DCX: variants seen among roughly 807,000 people sequenced by gnomAD.
DCX encodes doublecortin.
A neutral mutation model predicts 20.9 loss-of-function variants in DCX; 4 were observed. The ratio of observed to expected loss-of-function variants is 0.19; its 90% CI spans 0.09 to 0.44. DCX has a LOEUF of 0.44. Ranked by LOEUF, DCX falls within the 20% of genes least tolerant of loss-of-function variation. DCX has a pLI of 0.99. For synonymous variants in DCX, 103 were observed against 111.4 expected (o/e 0.92, Z 0.47); for missense variants, 133 against 296.9 (o/e 0.45, Z 4.06).
intron 6 of DCX, among the ~76,000 whole-genome samples, chrX:111,310,090 C>T (rs1023686280): frequency 8.9e-6 from 1 of 112,368 alleles, no homozygotes; most frequent in East Asian, 2.8e-4. Context: ...CCCAGCACTT[C>T]GGAAGGCCGA....
At chrX:111,388,842 TGATAA>T (rs1034619222) in intron 3 of DCX, among the ~76,000 whole-genome samples, 14 of 112,117 alleles carry the variant, frequency 1.2e-4, no homozygotes, top group African/African-American at 3.9e-4. Flanking sequence ...GGACTTTAAG[TGATAA>T]GATAAGACAA....
intron 6 of DCX, among the ~76,000 whole-genome samples, chrX:111,306,337 A>G (rs995642149): frequency 8.9e-6 from 1 of 112,188 alleles, no homozygotes; most frequent in Non-Finnish European, 1.9e-5. Context: ...ACTAGAGACA[A>G]AGAACATTTT....
Position 111,299,984 on chromosome X carries a change from C to G in DCX, c.*1703G>C, listed in dbSNP as rs1446231532. 2.7e-5 allele frequency: 3 copies of G among 110,338 alleles called. No homozygotes were observed. Among genetic ancestry groups the G allele is most frequent in the Admixed American group, 1.9e-4 (2 of 10,268 alleles). The allele number at this position is 110,338 out of a possible 1,213,427, so 9.1% of individuals were successfully genotyped here. The stretch of plus-strand genomic sequence containing the variant: ...GTATTTCCTAATTTTGAAGCAGCTG[C>G]AGATGCACACACACACACACACATG... On this transcript the variant is annotated 3_prime_UTR_variant, in exon 7 of 7. Coordinates refer to ENST00000636035, the MANE Select transcript of DCX (RefSeq NM_001195553.2).
At chrX:111,355,369 G>A (rs1923651007) in intron 3 of DCX, among the ~76,000 whole-genome samples, 2 of 110,994 alleles carry the variant, frequency 1.8e-5, no homozygotes, top group African/African-American at 6.6e-5. Context: ...TCATCATTTT[G>A]TGGTATTTTG....
chrX:111,400,965 A>T lies in DCX; in HGVS notation c.705+25T>A, dbSNP rs758022208. The T allele has an allele frequency of 1.2e-5, 14 of 1,187,236 alleles. No homozygotes were observed. The South Asian group carries it at 2.3e-4, about 20-fold the overall frequency. The stretch of plus-strand genomic sequence containing the variant: ...CATCTAAGAATTTAGAAAAAACGGG[A>T]AAAGTACTTTGAAAAAGTACCTACC... On this transcript the variant is annotated intron_variant, in intron 3 of 6. Transcript: ENST00000636035.
At chrX:111,364,229 T>G (rs1196589739) in intron 3 of DCX, among the ~76,000 whole-genome samples, 1 of 112,116 alleles carries the variant, frequency 8.9e-6, no homozygotes, top group African/African-American at 3.2e-5. Context: ...TATACAAAAC[T>G]GATCCTTTTC....
chrX:111,391,356 T>G (rs768203957), intron 3 of DCX, among the ~76,000 whole-genome samples: 1 of 111,684 alleles, frequency 9.0e-6, no homozygotes, highest in East Asian at 2.8e-4. Context: ...ATTAAGCCTG[T>G]GGAACTGTGA....
intron 5 of DCX, among the ~76,000 whole-genome samples, chrX:111,320,529 C>T (rs776175018): frequency 9.0e-5 from 10 of 111,288 alleles, no homozygotes; most frequent in African/African-American, 9.8e-5. Context: ...CATTTCTAAG[C>T]GGCAATTAGG....
chrX:111,393,721 C>A (rs191754988), intron 3 of DCX, among the ~76,000 whole-genome samples: 2 of 110,961 alleles, frequency 1.8e-5, no homozygotes, highest in Admixed American at 1.9e-4. Flanking sequence ...GTCCAATAAG[C>A]ATGTGAAAAT....
At chrX:111,343,166 T>A (rs1254624907) in intron 3 of DCX, among the ~76,000 whole-genome samples, 7 of 87,399 alleles carry the variant, frequency 8.0e-5, no homozygotes, top group East Asian at 3.5e-4. Flanking sequence ...ACAAAATAGA[T>A]AAACAGCTAG....
intron 3 of DCX, among the ~76,000 whole-genome samples, chrX:111,351,037 T>A (rs1923258798): frequency 8.9e-6 from 1 of 111,950 alleles, no homozygotes; most frequent in Admixed American, 9.5e-5. Flanking sequence ...TTCAATTATC[T>A]CCCACTGAGT....
At chrX:111,344,542 C>G (rs1922611968) in intron 3 of DCX, among the ~76,000 whole-genome samples, 1 of 111,736 alleles carries the variant, frequency 8.9e-6, no homozygotes, top group South Asian at 3.8e-4. Flanking sequence ...TCAGCAAAAT[C>G]TCAGGATACA....
At chrX:111,348,874 A>G (rs764813493) in intron 3 of DCX, among the ~76,000 whole-genome samples, 11 of 109,636 alleles carry the variant, frequency 1.0e-4, no homozygotes, top group South Asian at 7.9e-4. Context: ...TTAAAAAAAA[A>G]AAAAGAAAAG....
chrX:111,400,875 T>G, intron 3 of DCX, 115 bp downstream of exon 3: 1 of 671,696 alleles, frequency 1.5e-6, no homozygotes, highest in Non-Finnish European at 2.3e-6. Flanking sequence ...TAATATCAGG[T>G]TGTGATGATG....
At chrX:111,394,315 T>C (rs1271272499) in intron 3 of DCX, among the ~76,000 whole-genome samples, 2 of 111,478 alleles carry the variant, frequency 1.8e-5, no homozygotes, top group African/African-American at 6.5e-5. Flanking sequence ...GATAAGTGAT[T>C]GTTTAGGGAT....
At chrX:111,377,703 T>C (rs779303808) in intron 3 of DCX, among the ~76,000 whole-genome samples, 54 of 111,310 alleles carry the variant, frequency 4.9e-4, no homozygotes, top group African/African-American at 1.7e-3. Context: ...TTTTTATTTT[T>C]TGACAATGGA....
intron 3 of DCX, among the ~76,000 whole-genome samples, chrX:111,352,657 C>T (rs998752705): frequency 2.7e-5 from 3 of 111,751 alleles, no homozygotes; most frequent in Non-Finnish European, 5.6e-5. Context: ...CACTGCTGTA[C>T]TCATTTCATT....
intron 3 of DCX, among the ~76,000 whole-genome samples, chrX:111,394,327 G>A (rs1341640990): frequency 3.6e-5 from 4 of 111,640 alleles, no homozygotes; most frequent in Non-Finnish European, 5.7e-5. Flanking sequence ...TTTAGGGATG[G>A]GGAAGTGGAA....
chrX:111,390,363 G>C (rs1349978235), intron 3 of DCX, among the ~76,000 whole-genome samples: 1 of 111,792 alleles, frequency 8.9e-6, no homozygotes, highest in African/African-American at 3.3e-5. Flanking sequence ...ATCTAGTCAA[G>C]CCTTCTTTAA....
Sources: gnomAD v4.1 joint callset for allele counts (sites outside exome capture counted in the v4.1 genomes callset) on GRCh38, gnomAD v4.1.1 for gene constraint, MANE v1.5 for transcripts, NCBI Gene and HGNC (gene_info 2026-07-23, HGNC 2026-07-21) for gene names.